AOPEP: variants seen among roughly 807,000 people sequenced by gnomAD.
AOPEP encodes the protein aminopeptidase O (putative), also known as aminopeptidase O.
AOPEP carries 77 observed loss-of-function variants against 98.1 expected under a neutral mutation model. The ratio of observed to expected loss-of-function variants is 0.78; its 90% CI spans 0.65 to 0.95. The LOEUF (loss-of-function observed/expected upper bound fraction) is 0.95, where lower values mean the gene tolerates loss of function less well. Ranked by LOEUF, AOPEP falls within the 40% of genes least tolerant of loss-of-function variation. The pLI is 0.00. For synonymous variants in AOPEP, 346 were observed against 365.3 expected (o/e 0.95, Z 0.60); for missense variants, 1,024 against 1,024.7 (o/e 1.00, Z 0.01).
chr9:94,732,470 A>G (rs1830778218), intron 1 of AOPEP, among the ~76,000 whole-genome samples: 1 of 152,184 alleles, frequency 6.6e-6, no homozygotes, highest in Non-Finnish European at 1.5e-5. Flanking sequence ...TTCTCATACA[A>G]ATTTTTCAGG....
At chr9:94,923,016 G>C (rs7853195) in intron 5 of AOPEP, among the ~76,000 whole-genome samples, 52,527 of 152,074 alleles carry the variant, frequency 0.35, 9,833 homozygotes, top group Non-Finnish European at 0.43. Flanking sequence ...GAACCGGTGT[G>C]TACAGTTTCC....
chr9:94,787,151 G>C (rs1259117488), intron 3 of AOPEP, among the ~76,000 whole-genome samples: 2 of 152,078 alleles, frequency 1.3e-5, no homozygotes, highest in Non-Finnish European at 2.9e-5. Context: ...ATTTTTATTG[G>C]ACTCACCTCA....
At chr9:95,107,152 C>A in the AOPEP span, 1 of 1,614,222 alleles carries the variant, frequency 6.2e-7, no homozygotes, top group Non-Finnish European at 8.5e-7. Flanking sequence ...AGCTGTTGTG[C>A]AGGAGCTCTG....
the AOPEP span, among the ~76,000 whole-genome samples, chr9:95,148,784 T>A: frequency 2.5e-3 from 380 of 152,278 alleles, 1 homozygote; most frequent in African/African-American, 8.9e-3. Context: ...TGTAACAGAG[T>A]ATGGAAAGTT....
In AOPEP at chr9:94,924,151, T is replaced by A; in HGVS notation, c.1530T>A (p.Asp510Glu). ...LSEGFATHLE[D>E]VFWATAQQLA... ...AAGGCTTCGCCACTCACTTGGAGGA[T>A]GTGTTTTGGGCCACAGCACAGCAGG... The change falls in exon 6 of 17, where the codon GAT becomes GAA. Residue 510 changes from aspartate (D) to glutamate (E), a missense_variant. Coordinates refer to ENST00000375315, the MANE Select transcript of AOPEP (RefSeq NM_001193329.3). The A allele has an allele frequency of 6.9e-7, 1 of 1,455,308 alleles. No individual in the cohort carries two copies. 90.1% of individuals were successfully genotyped at this position (1,455,308 alleles called of 1,614,324 possible).
intron 5 of AOPEP, among the ~76,000 whole-genome samples, chr9:94,895,437 C>T (rs1588750114): frequency 6.8e-6 from 1 of 147,182 alleles, no homozygotes; most frequent in South Asian, 2.1e-4. Context: ...AAAAAGCTAG[C>T]ATTATATTAG....
intron 5 of AOPEP, among the ~76,000 whole-genome samples, chr9:94,915,842 CA>C (rs1261668485): frequency 6.6e-6 from 1 of 152,210 alleles, no homozygotes; most frequent in Non-Finnish European, 1.5e-5. Context: ...CCTTCCTCAC[CA>C]ATTGAATTCT....
At chr9:95,148,695 C>A in the AOPEP span, among the ~76,000 whole-genome samples, 3 of 152,228 alleles carry the variant, frequency 2.0e-5, no homozygotes, top group East Asian at 5.8e-4. Flanking sequence ...TCCAAATGAA[C>A]CATGCATAAT....
intron 5 of AOPEP, among the ~76,000 whole-genome samples, chr9:94,825,796 A>G (rs957198886): frequency 1.2e-4 from 18 of 152,202 alleles, no homozygotes; most frequent in African/African-American, 2.4e-4. Context: ...AGCTTTTCCA[A>G]TGTAAACTCA....
At chr9:94,901,168 C>G (rs950821374) in intron 5 of AOPEP, among the ~76,000 whole-genome samples, 2 of 152,110 alleles carry the variant, frequency 1.3e-5, no homozygotes, top group Admixed American at 6.6e-5. Context: ...AGCAAGAAAT[C>G]AAAATTTCAT....
At position 94,763,181 on chromosome 9, in the gene AOPEP, AAG is replaced by A. The variant is rs767256679; in HGVS notation, c.797+2605_797+2606del. On this transcript the variant is annotated intron_variant, in intron 2 of 16. Transcript: ENST00000375315. ...AGATAAATCTGTATCTCAAGTGAGA[AAG>A]AGAATGACTTTTTTTGAATTTGATC... 16 of 417,456 alleles carry A rather than the reference AAG, an allele frequency of 3.8e-5. No individual in the cohort carries two copies. In the Middle Eastern group the frequency reaches 1.4e-3, roughly 36 times the overall value. 25.9% of individuals were successfully genotyped at this position (417,456 alleles called of 1,614,324 possible).
At chr9:95,005,068 A>C in intron 11 of AOPEP, 90 bp from the exon 12 acceptor site, 8 of 523,088 alleles carry the variant, frequency 1.5e-5, no homozygotes, top group Non-Finnish European at 2.0e-5. Context: ...CGGGCGAGGT[A>C]CGGGGCGGGC....
intron 1 of AOPEP, among the ~76,000 whole-genome samples, chr9:94,732,255 T>TTG (rs1830719559): frequency 6.6e-6 from 1 of 151,842 alleles, no homozygotes; most frequent in African/African-American, 2.4e-5. Flanking sequence ...AACTTTTTTT[T>TTG]TTTTTACCTT....
At chr9:94,915,166 C>T (rs1029666685) in intron 5 of AOPEP, among the ~76,000 whole-genome samples, 2 of 151,878 alleles carry the variant, frequency 1.3e-5, no homozygotes, top group African/African-American at 2.4e-5. Context: ...AAAATAGGCA[C>T]GATAATAATT....
the AOPEP span, chr9:95,114,802 G>A: frequency 1.9e-6 from 2 of 1,066,466 alleles, no homozygotes; most frequent in Non-Finnish European, 2.9e-6. Flanking sequence ...GAGTCTTTGG[G>A]AGACGCCCTT....
the AOPEP span, among the ~76,000 whole-genome samples, chr9:95,095,869 C>CG: frequency 1.3e-5 from 2 of 151,968 alleles, no homozygotes; most frequent in African/African-American, 4.8e-5. Flanking sequence ...AGGGAGTGGC[C>CG]GGGGCTGGAC....
intron 5 of AOPEP, among the ~76,000 whole-genome samples, chr9:94,862,319 T>C (rs2045127691): frequency 6.6e-6 from 1 of 152,174 alleles, no homozygotes; most frequent in Non-Finnish European, 1.5e-5. Context: ...GTCTGAGCAA[T>C]GTCAAGCCTG....
the AOPEP span, among the ~76,000 whole-genome samples, chr9:95,129,506 C>CT: frequency 6.6e-6 from 1 of 152,194 alleles, no homozygotes; most frequent in Non-Finnish European, 1.5e-5. Flanking sequence ...AGGTGGGGCA[C>CT]TCCGGTAACA....
intron 7 of AOPEP, among the ~76,000 whole-genome samples, chr9:94,943,152 G>A (rs750517057): frequency 1.1e-4 from 16 of 152,214 alleles, no homozygotes; most frequent in Non-Finnish European, 1.8e-4. Context: ...ACTTTTGTGC[G>A]ACAGAGGACT....
Sources: gnomAD v4.1 joint callset for allele counts (sites outside exome capture counted in the v4.1 genomes callset) on GRCh38, gnomAD v4.1.1 for gene constraint, MANE v1.5 for transcripts, NCBI Gene and HGNC (gene_info 2026-07-23, HGNC 2026-07-21) for gene names.